Variants in EPHA3 observed in about 807,000 individuals in gnomAD.
EPHA3 encodes the protein ephrin type-A receptor 3.
Under a neutral mutation model 107.1 loss-of-function variants are expected in EPHA3, and 42 were observed. The ratio of observed to expected loss-of-function variants is 0.39; its 90% CI spans 0.31 to 0.51. The LOEUF is 0.51. EPHA3 is among the 20% of genes least tolerant of loss of function. EPHA3 has a pLI of 0.78. For synonymous variants in EPHA3, 461 were observed against 424.8 expected (o/e 1.09, Z -1.05); for missense variants, 1,183 against 1,211.2 (o/e 0.98, Z 0.35).
At chr3:89,228,845 G>A (rs2107220784) in intron 3 of EPHA3, among the ~76,000 whole-genome samples, 1 of 151,970 alleles carries the variant, frequency 6.6e-6, no homozygotes, top group South Asian at 2.1e-4. Context: ...CAGTTTTCAG[G>A]CTGAAGTACA....
intron 5 of EPHA3, among the ~76,000 whole-genome samples, chr3:89,392,694 A>G (rs1288887911): frequency 6.6e-6 from 1 of 152,114 alleles, no homozygotes; most frequent in East Asian, 1.9e-4. Flanking sequence ...TACAGTGTAC[A>G]CTGCAATATC....
At chr3:89,108,529 G>C (rs1323199449) in intron 1 of EPHA3, among the ~76,000 whole-genome samples, 2 of 152,178 alleles carry the variant, frequency 1.3e-5, no homozygotes, top group Non-Finnish European at 2.9e-5. Flanking sequence ...TGTATTTAAT[G>C]AATAGTGGAT....
At position 89,324,232 on chromosome 3, in the gene EPHA3, A is replaced by G. The variant is rs1305216089; in HGVS notation, c.815-16684A>G. Among the ~76,000 whole-genome samples, 5 of 148,954 alleles carry G rather than the reference A, an allele frequency of 3.4e-5. No homozygotes were observed. The East Asian group carries it at 1.0e-3, about 30-fold the overall frequency. ...ACCCAGGCTGGAGTACAGTGATGCA[A>G]TCTTGGCTCACCGCAACCTCCACTT... On this transcript the variant is annotated intron_variant, in intron 3 of 16. Coordinates refer to ENST00000336596, the MANE Select transcript of EPHA3 (RefSeq NM_005233.6).
intron 2 of EPHA3, among the ~76,000 whole-genome samples, chr3:89,186,442 C>A (rs13095092): frequency 0.11 from 17,288 of 151,814 alleles, 1,012 homozygotes; most frequent in Middle Eastern, 0.18. Context: ...TTCTTTAATT[C>A]TTAAAAATTA....
At chr3:89,183,910 C>T (rs562167369) in intron 2 of EPHA3, among the ~76,000 whole-genome samples, 2 of 151,982 alleles carry the variant, frequency 1.3e-5, no homozygotes, top group South Asian at 2.1e-4. Flanking sequence ...TACATAGAGA[C>T]ATTGAAATGA....
intron 5 of EPHA3, among the ~76,000 whole-genome samples, chr3:89,354,077 T>A (rs1347537769): frequency 2.0e-5 from 3 of 151,338 alleles, no homozygotes; most frequent in African/African-American, 7.3e-5. Context: ...GTATGTTAAC[T>A]ATATTCCCCC....
intron 2 of EPHA3, among the ~76,000 whole-genome samples, chr3:89,156,346 G>A (rs1461516944): frequency 6.6e-6 from 1 of 152,092 alleles, no homozygotes; most frequent in African/African-American, 2.4e-5. Context: ...CAAGAAGAGA[G>A]CAGATTTAAA....
At chr3:89,459,811 C>A (rs1419222822) in intron 15 of EPHA3, among the ~76,000 whole-genome samples, 5 of 152,096 alleles carry the variant, frequency 3.3e-5, no homozygotes, top group African/African-American at 1.2e-4. Flanking sequence ...GCTTAAGCCA[C>A]CACATCCAGC....
In EPHA3 at chr3:89,408,083, T is replaced by A. The variant is rs1384402151; in HGVS notation, c.1714T>A (p.Ser572Thr). ...TACCTCCAGGTTCTGTGGCTATAAG[T>A]CAAAACATGGGGCAGATGAAAAAAG... The part of the protein sequence containing the change: ...VLIGRFCGYK[S>T]KHGADEKRLH... The change falls in exon 9 of 17, where the codon TCA becomes ACA. Residue 572 changes from serine (S) to threonine (T), a missense_variant. Transcript: ENST00000336596. The A allele has an allele frequency of 6.2e-7, 1 of 1,612,992 alleles. No individual in the cohort carries two copies. Among genetic ancestry groups the A allele is most frequent in the Non-Finnish European group, 8.5e-7 (1 of 1,179,152 alleles).
chr3:89,282,313 A>G (rs559079375), intron 3 of EPHA3, among the ~76,000 whole-genome samples: 1 of 152,296 alleles, frequency 6.6e-6, no homozygotes, highest in Non-Finnish European at 1.5e-5. Flanking sequence ...TACTGAGCAC[A>G]TACTATATGC....
At chr3:89,215,249 C>A (rs12494615) in intron 3 of EPHA3, among the ~76,000 whole-genome samples, 1 of 151,584 alleles carries the variant, frequency 6.6e-6, no homozygotes, top group South Asian at 2.1e-4. Flanking sequence ...TGTGCTTACA[C>A]GAATTATTAT....
intron 3 of EPHA3, among the ~76,000 whole-genome samples, chr3:89,285,950 G>T (rs953950368): frequency 6.6e-6 from 1 of 152,072 alleles, no homozygotes; most frequent in African/African-American, 2.4e-5. Flanking sequence ...AGGTGATCAG[G>T]CAATCATGAT....
intron 3 of EPHA3, among the ~76,000 whole-genome samples, chr3:89,283,249 C>G (rs938232247): frequency 1.3e-5 from 2 of 152,034 alleles, no homozygotes; most frequent in African/African-American, 4.8e-5. Flanking sequence ...TTTGAAGATT[C>G]AAGCCCTTGT....
chr3:89,381,680 A>G (rs1446481595), intron 5 of EPHA3, among the ~76,000 whole-genome samples: 2 of 152,042 alleles, frequency 1.3e-5, no homozygotes, highest in Admixed American at 1.3e-4. Context: ...AAAAGAAAAA[A>G]AAAAATTAGG....
At chr3:89,252,613 C>A (rs1705190720) in intron 3 of EPHA3, among the ~76,000 whole-genome samples, 1 of 151,948 alleles carries the variant, frequency 6.6e-6, no homozygotes, top group African/African-American at 2.4e-5. Flanking sequence ...GCCTGTAGTC[C>A]CAGCTACTGT....
At chr3:89,420,892 T>G (rs563734555) in intron 11 of EPHA3, among the ~76,000 whole-genome samples, 8 of 151,642 alleles carry the variant, frequency 5.3e-5, no homozygotes, top group Admixed American at 1.3e-4. Flanking sequence ...TGTGCCCACA[T>G]TATACTATGA....
At chr3:89,451,944 C>T (rs1365712642) in intron 15 of EPHA3, among the ~76,000 whole-genome samples, 1 of 150,948 alleles carries the variant, frequency 6.6e-6, no homozygotes, top group Admixed American at 6.6e-5. Context: ...TATGTAGGTA[C>T]ATTACAAGTT....
intron 16 of EPHA3, among the ~76,000 whole-genome samples, chr3:89,476,768 C>T (rs544409872): frequency 6.6e-6 from 1 of 151,658 alleles, no homozygotes; most frequent in East Asian, 2.0e-4. Context: ...CCACCACGCC[C>T]CGCTAATTTT....
At chr3:89,372,837 T>C (rs1708334688) in intron 5 of EPHA3, among the ~76,000 whole-genome samples, 1 of 151,804 alleles carries the variant, frequency 6.6e-6, no homozygotes, top group Non-Finnish European at 1.5e-5. Context: ...AGGTATGTTA[T>C]CTTACCTTGC....
Sources: allele counts gnomAD v4.1 joint callset (sites outside exome capture counted in the v4.1 genomes callset), GRCh38; gene constraint gnomAD v4.1.1; transcripts MANE v1.5; gene names NCBI Gene and HGNC (gene_info 2026-07-23, HGNC 2026-07-21).